The following TET3 variants were observed in gnomAD, a reference collection of about 807,000 sequenced individuals.
TET3 encodes the protein tet methylcytosine dioxygenase 3.
A neutral mutation model predicts 141.4 loss-of-function variants in TET3; 19 were observed. The ratio of observed to expected loss-of-function variants is 0.13; its 90% CI spans 0.09 to 0.20. TET3 has a LOEUF of 0.20. Ranked by LOEUF, TET3 falls within the 10% of genes least tolerant of loss-of-function variation. The probability of loss-of-function intolerance (pLI) is 1.00; values close to 1 mark genes in which losing one functional copy is unlikely to be tolerated. For missense variants in TET3, 1,874 were observed against 2,356.9 expected (o/e 0.80, Z 4.24); for synonymous variants, 1,043 against 980.9 (o/e 1.06, Z -1.18).
chr2:74,029,706 C>G (rs1013905137), intron 3 of TET3, among the ~76,000 whole-genome samples: 2 of 152,202 alleles, frequency 1.3e-5, no homozygotes, highest in Non-Finnish European at 2.9e-5. Context: ...TTCTGTCTCT[C>G]TCAGCAACTT....
At chr2:74,017,186 G>A (rs533570071) in intron 3 of TET3, among the ~76,000 whole-genome samples, 1 of 152,276 alleles carries the variant, frequency 6.6e-6, no homozygotes, top group South Asian at 2.1e-4. Flanking sequence ...CTACTTGGGA[G>A]GCTGACATGG....
chr2:74,092,876 A>G, intron 8 of TET3, 26 bp from the exon 9 acceptor site: 1 of 1,565,728 alleles, frequency 6.4e-7, no homozygotes, highest in Non-Finnish European at 8.7e-7. Flanking sequence ...GCTGCTCTGG[A>G]TGTGTGACTG....
chr2:74,096,456 G>A (rs1366259520), intron 10 of TET3, among the ~76,000 whole-genome samples: 1 of 152,210 alleles, frequency 6.6e-6, no homozygotes, highest in African/African-American at 2.4e-5. Flanking sequence ...GATACCTTGA[G>A]TTATCCTTGA....
intron 10 of TET3, among the ~76,000 whole-genome samples, chr2:74,094,430 G>A (rs1029482301): frequency 6.6e-6 from 1 of 152,198 alleles, no homozygotes; most frequent in Non-Finnish European, 1.5e-5. Flanking sequence ...GAGGGCCAGG[G>A]GAGGGTTGCG....
chr2:74,083,771 G>T (rs1332718886), intron 6 of TET3, among the ~76,000 whole-genome samples: 1 of 152,156 alleles, frequency 6.6e-6, no homozygotes, highest in African/African-American at 2.4e-5. Flanking sequence ...ATGACATTGC[G>T]TGTTTGCCAT....
chr2:74,000,097 G>T (rs1684773693), intron 2 of TET3, among the ~76,000 whole-genome samples: 1 of 152,172 alleles, frequency 6.6e-6, no homozygotes, highest in South Asian at 2.1e-4. Flanking sequence ...GGCTGCTGAG[G>T]AAGATAGGTG....
intron 3 of TET3, among the ~76,000 whole-genome samples, chr2:74,032,442 GGTGTGTCTCTGTGTGTGT>G (rs1386460373): frequency 1.2e-4 from 11 of 94,866 alleles, no homozygotes; most frequent in African/African-American, 4.6e-4. Flanking sequence ...CTGCAAGAGG[GGTGTGTCTCTGTGTGTGT>G]GTGTGTGTGT....
chr2:74,022,198 T>C (rs1686086575), intron 3 of TET3, among the ~76,000 whole-genome samples: 1 of 151,860 alleles, frequency 6.6e-6, no homozygotes, highest in Admixed American at 6.6e-5. Context: ...TCTTTTCTGA[T>C]TGGCATAAAA....
intron 4 of TET3, among the ~76,000 whole-genome samples, chr2:74,052,010 C>T (rs1015993367): frequency 7.9e-5 from 12 of 152,286 alleles, no homozygotes; most frequent in African/African-American, 1.2e-4. Flanking sequence ...ACATGCTTCT[C>T]GCTCTGTTGC....
In TET3 at chr2:73,991,805, CAAAA is replaced by C. The variant is rs772400180; in HGVS notation, c.303+5119_303+5122del. 9.0e-3 allele frequency among the ~76,000 whole-genome samples: 718 copies of C among 79,592 alleles called. 4 individuals are homozygous for C. Among genetic ancestry groups the C allele is most frequent in the African/African-American group, 0.017 (369 of 21,294 alleles). 52.2% of individuals were successfully genotyped at this position (79,592 alleles called of 152,430 possible). On this transcript the variant is annotated intron_variant, in intron 2 of 11. Coordinates refer to ENST00000409262, the MANE Select transcript of TET3 (RefSeq NM_001287491.2). Reference sequence around the variant, plus strand: ...GGGCAACAAGAGTGAAACTCTGTCTCAAAAAAAAAAAAAAAAAAAAAAAGAAGGA... The same window carrying C: ...GGGCAACAAGAGTGAAACTCTGTCTCAAAAAAAAAAAAAAAAAAAGAAGGA...
At chr2:74,117,398 CAA>C in the TET3 span, among the ~76,000 whole-genome samples, 2 of 152,000 alleles carry the variant, frequency 1.3e-5, no homozygotes, top group Non-Finnish European at 2.9e-5. Context: ...TTTTTAAAGA[CAA>C]GGTCTTACTT....
At chr2:74,018,396 T>C (rs865827594) in intron 3 of TET3, among the ~76,000 whole-genome samples, 2 of 152,230 alleles carry the variant, frequency 1.3e-5, no homozygotes, top group African/African-American at 2.4e-5. Flanking sequence ...TCATAAAAAT[T>C]TGATTTTTAT....
intron 11 of TET3, among the ~76,000 whole-genome samples, 165 bp from the exon 12 acceptor site, chr2:74,100,228 T>C (rs1396409615): frequency 1.3e-5 from 2 of 151,728 alleles, no homozygotes; most frequent in Non-Finnish European, 2.9e-5. Context: ...GCCCAGGGAG[T>C]ACGACCCGTT....
chr2:74,040,059 T>C (rs536622950), intron 3 of TET3, among the ~76,000 whole-genome samples: 1 of 152,304 alleles, frequency 6.6e-6, no homozygotes, highest in East Asian at 1.9e-4. Flanking sequence ...TGTGGCTATC[T>C]TTGGAACACA....
intron 10 of TET3, among the ~76,000 whole-genome samples, chr2:74,096,328 A>G (rs1262831993): frequency 6.6e-6 from 1 of 152,246 alleles, no homozygotes; most frequent in African/African-American, 2.4e-5. Flanking sequence ...AGGGCATGAC[A>G]CCAAACTCAG....
rs1428261388 is a variant in TET3 at position 74,105,248 on chromosome 2, ATC to A, written c.*3075_*3076del. On this transcript the variant is annotated 3_prime_UTR_variant, in exon 12 of 12. Transcript: ENST00000409262. Reference sequence around the variant, plus strand: ...AACGGAAATCGATGGCGTCTTAGTCATCTCCCCAGTGTGCCCTGTCCACGGAC... The same window carrying A: ...AACGGAAATCGATGGCGTCTTAGTCATCCCCAGTGTGCCCTGTCCACGGAC... 1 of 398,618 alleles carries A rather than the reference ATC, an allele frequency of 2.5e-6. No individual in the cohort carries two copies. The highest frequency in any genetic ancestry group is 3.6e-5 in the East Asian group (1 of 28,074). The allele number at this position is 398,618 out of a possible 1,614,324, so 24.7% of individuals were successfully genotyped here. A position where few individuals can be genotyped will look rare whatever the true frequency, so the allele number is the denominator to read the frequency against.
intron 2 of TET3, among the ~76,000 whole-genome samples, chr2:74,002,002 TGGA>T (rs1446830014): frequency 6.6e-6 from 1 of 151,554 alleles, no homozygotes; most frequent in Non-Finnish European, 1.5e-5. Context: ...TTTGTGTGTG[TGGA>T]GGAGGGCAGG....
intron 4 of TET3, among the ~76,000 whole-genome samples, chr2:74,052,658 T>C (rs898863635): frequency 2.7e-5 from 4 of 149,914 alleles, no homozygotes; most frequent in African/African-American, 9.9e-5. Flanking sequence ...GATCATGAGG[T>C]CAGGAATTCG....
At chr2:74,062,881 C>CTTTTTT (rs10649388) in intron 4 of TET3, among the ~76,000 whole-genome samples, 5 of 121,436 alleles carry the variant, frequency 4.1e-5, no homozygotes, top group African/African-American at 6.5e-5. Flanking sequence ...TCAGGTGAAA[C>CTTTTTT]TTTTTTTTTT....
Sources: gnomAD v4.1 joint callset for allele counts (sites outside exome capture counted in the v4.1 genomes callset) on GRCh38, gnomAD v4.1.1 for gene constraint, MANE v1.5 for transcripts, NCBI Gene and HGNC (gene_info 2026-07-23, HGNC 2026-07-21) for gene names.